MARCHF4: variants seen among roughly 807,000 people sequenced by gnomAD.
MARCHF4 encodes membrane associated ring-CH-type finger 4, also known as E3 ubiquitin-protein ligase MARCHF4.
A neutral mutation model predicts 43.9 loss-of-function variants in MARCHF4; 14 were observed. The ratio of observed to expected loss-of-function variants is 0.32; its 90% CI spans 0.21 to 0.50. The LOEUF (loss-of-function observed/expected upper bound fraction) is 0.50, where lower values mean the gene tolerates loss of function less well. Ranked by LOEUF, MARCHF4 falls within the 20% of genes least tolerant of loss-of-function variation. The pLI is 0.98. For synonymous variants in MARCHF4, 226 were observed against 213.3 expected (o/e 1.06, Z -0.52); for missense variants, 468 against 536.7 (o/e 0.87, Z 1.27).
At chr2:216,310,952 G>A (rs949011997) in intron 1 of MARCHF4, among the ~76,000 whole-genome samples, 5 of 152,054 alleles carry the variant, frequency 3.3e-5, no homozygotes, top group Non-Finnish European at 7.3e-5. Flanking sequence ...GTGGGGGAAG[G>A]ATTATTTTAA....
intron 3 of MARCHF4, among the ~76,000 whole-genome samples, chr2:216,269,204 T>C (rs1281080124): frequency 3.3e-5 from 5 of 152,216 alleles, no homozygotes; most frequent in Non-Finnish European, 5.9e-5. Context: ...GAGTTGACTA[T>C]TTGATGTCCA....
At position 216,308,612 on chromosome 2, in the gene MARCHF4, G is replaced by A. The variant is rs576908929; in HGVS notation, c.517-24883C>T. On this transcript the variant is annotated intron_variant, in intron 1 of 3. Coordinates refer to ENST00000273067, the MANE Select transcript of MARCHF4 (RefSeq NM_020814.3). ...TAAGCCAGGCCTGCACTCTGCTTCC[G>A]GAACTCTGAGTTGTGATCCTTCCAC... Among the ~76,000 whole-genome samples, 31 of 152,142 alleles carry A rather than the reference G, an allele frequency of 2.0e-4. 1 individual carries two copies. The highest frequency in any genetic ancestry group is 1.9e-3 in the Admixed American group (29 of 15,278).
At chr2:216,312,982 T>G (rs1178327267) in intron 1 of MARCHF4, among the ~76,000 whole-genome samples, 1 of 152,180 alleles carries the variant, frequency 6.6e-6, no homozygotes, top group Non-Finnish European at 1.5e-5. Context: ...GAGTTTTTTC[T>G]TGGCTTTCTT....
chr2:216,327,231 C>T (rs1692008534), intron 1 of MARCHF4, among the ~76,000 whole-genome samples: 1 of 151,908 alleles, frequency 6.6e-6, no homozygotes, highest in African/African-American at 2.4e-5. Context: ...TTTGACAAAT[C>T]CATGCCTCTT....
At position 216,371,148 on chromosome 2, in the gene MARCHF4, C is replaced by G. The variant is rs1692753392; in HGVS notation, c.-888G>C. 6.6e-6 allele frequency: 1 copy of G among 152,448 alleles called. No homozygotes were observed. Among genetic ancestry groups the G allele is most frequent in the Non-Finnish European group, 1.5e-5 (1 of 68,256 alleles). The allele number at this position is 152,448 out of a possible 1,614,324, so 9.4% of individuals were successfully genotyped here. Reference sequence around the variant, plus strand: ...TAACCCTTGCAGAGGCGCCTCCTTCCTGAGCATGAAGATCCTGGCTAGAGG... The same window carrying G: ...TAACCCTTGCAGAGGCGCCTCCTTCGTGAGCATGAAGATCCTGGCTAGAGG... On this transcript the variant is annotated 5_prime_UTR_variant, in exon 1 of 4. Coordinates refer to ENST00000273067, the MANE Select transcript of MARCHF4 (RefSeq NM_020814.3).
At chr2:216,301,358 C>G (rs567570435) in intron 1 of MARCHF4, among the ~76,000 whole-genome samples, 3 of 152,306 alleles carry the variant, frequency 2.0e-5, no homozygotes, top group African/African-American at 7.2e-5. Context: ...GAGCACGGAG[C>G]CTGTGAATCT....
chr2:216,304,953 CA>C (rs1451220839), intron 1 of MARCHF4, among the ~76,000 whole-genome samples: 2 of 146,324 alleles, frequency 1.4e-5, no homozygotes, highest in South Asian at 2.2e-4. Flanking sequence ...GACTCCGTCT[CA>C]AAAAAAAAAG....
intron 1 of MARCHF4, among the ~76,000 whole-genome samples, chr2:216,361,705 A>G (rs1304800581): frequency 6.6e-6 from 1 of 152,206 alleles, no homozygotes; most frequent in Non-Finnish European, 1.5e-5. Flanking sequence ...AGGCTGGTCC[A>G]AAACATGTAT....
chr2:216,267,420 A>C (rs141746603), intron 3 of MARCHF4, among the ~76,000 whole-genome samples: 66 of 152,244 alleles, frequency 4.3e-4, no homozygotes, highest in African/African-American at 1.5e-3. Flanking sequence ...GCTCTGTTTA[A>C]TTTTCTATTA....
At chr2:216,364,268 C>A (rs1360443815) in intron 1 of MARCHF4, among the ~76,000 whole-genome samples, 2 of 152,026 alleles carry the variant, frequency 1.3e-5, no homozygotes, top group Non-Finnish European at 2.9e-5. Flanking sequence ...TAGATGAGCT[C>A]CAGAGGTTGT....
intron 1 of MARCHF4, among the ~76,000 whole-genome samples, chr2:216,319,036 G>A (rs932024238): frequency 3.9e-5 from 6 of 152,032 alleles, no homozygotes; most frequent in East Asian, 1.9e-4. Context: ...TGCCGGGTGC[G>A]GTGGCTCACA....
At chr2:216,315,689 T>C (rs1347398300) in intron 1 of MARCHF4, among the ~76,000 whole-genome samples, 1 of 152,200 alleles carries the variant, frequency 6.6e-6, no homozygotes, top group Non-Finnish European at 1.5e-5. Flanking sequence ...ACCATATATA[T>C]GCATAGAAAT....
At chr2:216,276,939 A>G (rs1691033882) in intron 3 of MARCHF4, among the ~76,000 whole-genome samples, 1 of 152,214 alleles carries the variant, frequency 6.6e-6, no homozygotes, top group Non-Finnish European at 1.5e-5. Context: ...ATGGGGTCAG[A>G]GAAGGAGCAG....
chr2:216,273,778 C>T (rs531670962), intron 3 of MARCHF4, among the ~76,000 whole-genome samples: 30 of 152,356 alleles, frequency 2.0e-4, no homozygotes, highest in African/African-American at 6.5e-4. Flanking sequence ...AAGAAGACCA[C>T]GCTGAGCCTC....
At chr2:216,309,050 C>A (rs985574117) in intron 1 of MARCHF4, among the ~76,000 whole-genome samples, 1 of 152,184 alleles carries the variant, frequency 6.6e-6, no homozygotes, top group Admixed American at 6.5e-5. Flanking sequence ...CATCTCCTTG[C>A]CTTTTGGTCA....
intron 1 of MARCHF4, among the ~76,000 whole-genome samples, chr2:216,314,420 T>C (rs1266207809): frequency 6.7e-6 from 1 of 149,636 alleles, no homozygotes; most frequent in Non-Finnish European, 1.5e-5. Context: ...GCCTCTAGGG[T>C]TCAAGCAATT....
At chr2:216,267,058 T>C (rs544450429) in intron 3 of MARCHF4, among the ~76,000 whole-genome samples, 71 of 152,372 alleles carry the variant, frequency 4.7e-4, no homozygotes, top group South Asian at 1.2e-3. Context: ...ATAGGGTATT[T>C]ACTCCTATTG....
At chr2:216,296,091 A>G (rs1241519308) in intron 1 of MARCHF4, among the ~76,000 whole-genome samples, 4 of 152,130 alleles carry the variant, frequency 2.6e-5, no homozygotes, top group African/African-American at 9.7e-5. Flanking sequence ...GGTTGCAGTG[A>G]GCCAAGATCG....
intron 1 of MARCHF4, among the ~76,000 whole-genome samples, chr2:216,338,281 C>A (rs761086705): frequency 8.5e-5 from 13 of 152,152 alleles, no homozygotes; most frequent in South Asian, 6.2e-4. Context: ...TCCTCTTCTG[C>A]TGTCTCTCCC....
Sources: allele counts gnomAD v4.1 joint callset (sites outside exome capture counted in the v4.1 genomes callset), GRCh38; gene constraint gnomAD v4.1.1; transcripts MANE v1.5; gene names NCBI Gene and HGNC (gene_info 2026-07-23, HGNC 2026-07-21).